The following ADAM22 variants were observed in gnomAD, a reference collection of about 807,000 sequenced individuals.
The protein encoded by ADAM22 is disintegrin and metalloproteinase domain-containing protein 22.
ADAM22 carries 65 observed loss-of-function variants against 144.6 expected under a neutral mutation model. That is an observed-to-expected ratio of 0.45 (90% CI 0.37 to 0.55). The LOEUF (loss-of-function observed/expected upper bound fraction) is 0.55, where lower values mean the gene tolerates loss of function less well. Ranked by LOEUF, ADAM22 falls within the 20% of genes least tolerant of loss-of-function variation. The pLI, the probability that ADAM22 is intolerant of heterozygous loss-of-function variation, is 0.00. For synonymous variants in ADAM22, 391 were observed against 412.6 expected, an observed-to-expected ratio of 0.95 and a Z score of 0.63; for missense variants, 974 against 1,184.9, an observed-to-expected ratio of 0.82 and a Z score of 2.61.
chr7:88,168,358 C>A, intron 25 of ADAM22, 131 bp downstream of exon 25: 2 of 860,780 alleles, frequency 2.3e-6, no homozygotes, highest in Non-Finnish European at 3.9e-6. Flanking sequence ...GGCTCAGCAG[C>A]CAGTCAATGC....
At chr7:87,965,875 C>G (rs1486900922) in intron 2 of ADAM22, among the ~76,000 whole-genome samples, 2 of 152,200 alleles carry the variant, frequency 1.3e-5, no homozygotes, top group African/African-American at 4.8e-5. Flanking sequence ...TTAAAATTAC[C>G]TGATTTAGAG....
At chr7:87,934,874 C>G (rs757450527) in intron 1 of ADAM22, 152 bp from the exon 2 acceptor site, 10 of 1,100,418 alleles carry the variant, frequency 9.1e-6, no homozygotes, top group African/African-American at 1.5e-5. Context: ...GGGCTGGTGT[C>G]TCTGCGTCCT....
At chr7:88,165,603 A>C (rs995255668) in intron 23 of ADAM22, among the ~76,000 whole-genome samples, 1 of 152,024 alleles carries the variant, frequency 6.6e-6, no homozygotes, top group African/African-American at 2.4e-5. Context: ...ATGTAGATCA[A>C]TTTCTCTGTT....
chr7:88,036,509 A>C (rs76609315), intron 3 of ADAM22, among the ~76,000 whole-genome samples: 5 of 152,178 alleles, frequency 3.3e-5, no homozygotes, highest in African/African-American at 4.8e-5. Context: ...AATGTTTGGC[A>C]ATCATTAATA....
chr7:88,075,525 T>G lies in ADAM22; in HGVS notation c.324-101T>G, dbSNP rs1177467723. 5 of 975,586 alleles carry G rather than the reference T, an allele frequency of 5.1e-6. No individual in the cohort carries two copies. The Admixed American group carries it at 5.6e-5, about 11-fold the overall frequency. The allele number at this position is 975,586 out of a possible 1,614,324, so 60.4% of individuals were successfully genotyped here. A position where few individuals can be genotyped will look rare whatever the true frequency, so the allele number is the denominator to read the frequency against. ...CCTATAAAGTGTTGATTTGGGGGGC[T>G]TAAAGAATTGTTAAAGCAGATATGT... On this transcript the variant is annotated intron_variant, in intron 3 of 31. Coordinates refer to ENST00000413139, the MANE Select transcript of ADAM22 (RefSeq NM_001324418.2).
At chr7:88,008,647 A>T (rs1306907837) in intron 3 of ADAM22, among the ~76,000 whole-genome samples, 2 of 151,804 alleles carry the variant, frequency 1.3e-5, no homozygotes, top group Non-Finnish European at 1.5e-5. Flanking sequence ...AACTATCGCA[A>T]GGACAAAAAA....
In ADAM22 at chr7:88,200,968, C is replaced by T. The variant is rs1851163254; in HGVS notation, c.*4477C>T. The stretch of plus-strand genomic sequence containing the variant: ...TCCCAGCTGTGTGTGAGTAGCCCCG[C>T]TGTTAAAAGTACACCTGCTGGGAAT... On this transcript the variant is annotated 3_prime_UTR_variant, in exon 32 of 32. Transcript: ENST00000413139. 2 of 152,212 alleles carry T rather than the reference C, an allele frequency of 1.3e-5. No homozygotes were observed. Among genetic ancestry groups the T allele is most frequent in the Non-Finnish European group, 2.9e-5 (2 of 68,030 alleles). The allele number at this position is 152,212 out of a possible 1,614,324, so 9.4% of individuals were successfully genotyped here.
chr7:88,145,792 C>T (rs1166574137), intron 17 of ADAM22, among the ~76,000 whole-genome samples: 1 of 152,148 alleles, frequency 6.6e-6, no homozygotes, highest in Admixed American at 6.6e-5. Context: ...TGTTAATCTT[C>T]AGAGGCTGTC....
chr7:88,143,285 T>G (rs1835349849), intron 15 of ADAM22, among the ~76,000 whole-genome samples, 160 bp downstream of exon 15: 1 of 152,242 alleles, frequency 6.6e-6, no homozygotes, highest in Non-Finnish European at 1.5e-5. Context: ...AAAGTCAGCT[T>G]TAATGTTGGG....
rs369129110 is a variant in ADAM22 at position 88,125,574 on chromosome 7, T to G, written c.608-15T>G. On this transcript the variant is annotated splice_polypyrimidine_tract_variant and intron_variant, in intron 7 of 31. Transcript: ENST00000413139. ...ACAAATGCACTAAGTTAAATTAAAT[T>G]TAATTTCCTTTTAGAATTTCAGCAA... 2 of 1,574,162 alleles carry G rather than the reference T, an allele frequency of 1.3e-6. No homozygotes were observed. Among genetic ancestry groups the G allele is most frequent in the African/African-American group, 2.7e-5 (2 of 73,288 alleles).
At chr7:88,045,821 C>T (rs115328925) in intron 3 of ADAM22, among the ~76,000 whole-genome samples, 1,594 of 151,074 alleles carry the variant, frequency 0.011, 31 homozygotes, top group African/African-American at 0.036. Flanking sequence ...TTATAATGTC[C>T]TCCAGGTTCA....
chr7:88,066,535 T>C (rs914543455), intron 3 of ADAM22, among the ~76,000 whole-genome samples: 1 of 152,172 alleles, frequency 6.6e-6, no homozygotes, highest in Non-Finnish European at 1.5e-5. Flanking sequence ...TATATGATTC[T>C]GGTGTTTAGA....
intron 3 of ADAM22, among the ~76,000 whole-genome samples, 159 bp downstream of exon 3, chr7:87,978,571 G>A (rs759787203): frequency 6.6e-6 from 1 of 152,038 alleles, no homozygotes; most frequent in Non-Finnish European, 1.5e-5. Flanking sequence ...ATAAAGTCTG[G>A]CAGATAACAA....
At chr7:87,935,313 TCATGCATGGCGCTCCCTGTG>T in intron 2 of ADAM22, 127 bp downstream of exon 2, 1 of 1,074,126 alleles carries the variant, frequency 9.3e-7, no homozygotes, top group Non-Finnish European at 1.3e-6. Flanking sequence ...CCGATGCGAG[TCATGCATGGCGCTCCCTGTG>T]CAAAAAAGAA....
At chr7:88,113,025 A>G (rs1481032887) in intron 5 of ADAM22, among the ~76,000 whole-genome samples, 1 of 151,656 alleles carries the variant, frequency 6.6e-6, no homozygotes, top group Non-Finnish European at 1.5e-5. Flanking sequence ...CCAGCTCAAA[A>G]CTGAACTCTT....
intron 9 of ADAM22, among the ~76,000 whole-genome samples, chr7:88,129,261 A>G (rs1831164403): frequency 1.3e-5 from 2 of 152,056 alleles, no homozygotes; most frequent in African/African-American, 2.4e-5. Context: ...GTATGACTAC[A>G]TTCATAGCAC....
At chr7:88,020,913 G>A (rs1585061644) in intron 3 of ADAM22, among the ~76,000 whole-genome samples, 1 of 152,164 alleles carries the variant, frequency 6.6e-6, no homozygotes, top group East Asian at 1.9e-4. Context: ...GTGGGTACTG[G>A]AACTTAAGGG....
chr7:88,133,293 G>C (rs928107920), intron 12 of ADAM22, among the ~76,000 whole-genome samples: 2 of 151,798 alleles, frequency 1.3e-5, no homozygotes, highest in Non-Finnish European at 2.9e-5. Flanking sequence ...AGCCTGGGAG[G>C]CAGAGGTTGT....
At chr7:88,181,689 T>C (rs1847065851) in intron 28 of ADAM22, 84 bp downstream of exon 28, 4 of 1,181,546 alleles carry the variant, frequency 3.4e-6, no homozygotes, top group Admixed American at 4.4e-5. Context: ...CTTTTATTTC[T>C]TTGAAGCTCT....
Sources: allele counts gnomAD v4.1 joint callset (sites outside exome capture counted in the v4.1 genomes callset), GRCh38; gene constraint gnomAD v4.1.1; transcripts MANE v1.5; gene names NCBI Gene and HGNC (gene_info 2026-07-23, HGNC 2026-07-21).